GPR176: variants seen among roughly 807,000 people sequenced by gnomAD.
GPR176 encodes G protein-coupled receptor 176.
A neutral mutation model predicts 35.4 loss-of-function variants in GPR176; 26 were observed. The ratio of observed to expected loss-of-function variants is 0.74; its 90% CI spans 0.54 to 1.02. The LOEUF is 1.02. Among genes scored for constraint, GPR176 ranks in the 50% least tolerant of loss-of-function variants. The pLI, the probability that GPR176 is intolerant of heterozygous loss-of-function variation, is 0.00. For missense variants in GPR176, 597 were observed against 665.3 expected, an observed-to-expected ratio of 0.90 and a Z score of 1.13; for synonymous variants, 278 against 271.3, an observed-to-expected ratio of 1.02 and a Z score of -0.24.
chr15:39,903,578 G>A lies in GPR176; in HGVS notation c.172+16277C>T, dbSNP rs1466672146. Among the ~76,000 whole-genome samples the A allele has an allele frequency of 7.0e-5, 10 of 143,130 alleles. No individual in the cohort carries two copies. The East Asian group carries it at 1.8e-3, about 25-fold the overall frequency. The allele number at this position is 143,130 out of a possible 152,430, so 93.9% of individuals were successfully genotyped here. On this transcript the variant is annotated intron_variant, in intron 1 of 2. Coordinates refer to ENST00000561100, the MANE Select transcript of GPR176 (RefSeq NM_007223.3). Reference sequence around the variant, plus strand: ...AATATTTTCAGTGGCTACATCATATGTGAGGTTTTTTTTTTTAAGTGTGGC... The same window carrying A: ...AATATTTTCAGTGGCTACATCATATATGAGGTTTTTTTTTTTAAGTGTGGC...
At chr15:39,824,154 G>A (rs927023178) in intron 1 of GPR176, among the ~76,000 whole-genome samples, 10 of 152,148 alleles carry the variant, frequency 6.6e-5, no homozygotes, top group Non-Finnish European at 1.2e-4. Context: ...TCTGTGTCTC[G>A]CCATGTGACA....
chr15:39,835,158 C>T (rs1901317134), intron 1 of GPR176, among the ~76,000 whole-genome samples: 2 of 152,042 alleles, frequency 1.3e-5, no homozygotes, highest in African/African-American at 4.8e-5. Context: ...GCTGGGATTA[C>T]AGGCATGTGC....
At chr15:39,818,278 T>C (rs1900048304) in intron 1 of GPR176, among the ~76,000 whole-genome samples, 1 of 152,246 alleles carries the variant, frequency 6.6e-6, no homozygotes, top group South Asian at 2.1e-4. Flanking sequence ...TTAGCTACAA[T>C]TAATTTGATT....
At chr15:39,874,574 G>C (rs143110676) in intron 1 of GPR176, among the ~76,000 whole-genome samples, 142 of 152,250 alleles carry the variant, frequency 9.3e-4, no homozygotes, top group African/African-American at 3.3e-3. Context: ...AAACAATCTG[G>C]TGTCAAGTGA....
chr15:39,815,443 C>T (rs1899837791), intron 1 of GPR176: 1 of 152,270 alleles, frequency 6.6e-6, no homozygotes, highest in Admixed American at 6.5e-5. Context: ...AAACTCAGTG[C>T]TCTTCTTCAG....
At position 39,848,597 on chromosome 15, in the gene GPR176, A is replaced by C. The variant is rs374854658; in HGVS notation, c.173-41339T>G. Among the ~76,000 whole-genome samples the C allele has an allele frequency of 1.5e-4, 23 of 152,318 alleles. No individual in the cohort carries two copies. The East Asian group carries it at 1.5e-3, about 10-fold the overall frequency. On this transcript the variant is annotated intron_variant, in intron 1 of 2. Coordinates refer to ENST00000561100, the MANE Select transcript of GPR176 (RefSeq NM_007223.3). ...AGCCCTAATACATTTTTAAAAATTG[A>C]AATCATACAAAGTGTGTTCTCCAAC...
At chr15:39,848,760 C>G (rs553799988) in intron 1 of GPR176, among the ~76,000 whole-genome samples, 2 of 151,382 alleles carry the variant, frequency 1.3e-5, no homozygotes, top group African/African-American at 4.8e-5. Context: ...ATATGTTGAA[C>G]TTAACAAAAA....
chr15:39,838,614 C>T (rs1157116351), intron 1 of GPR176, among the ~76,000 whole-genome samples: 2 of 152,086 alleles, frequency 1.3e-5, no homozygotes, highest in Admixed American at 6.6e-5. Flanking sequence ...CAGAAAAGGC[C>T]TTTGACAAAA....
intron 1 of GPR176, among the ~76,000 whole-genome samples, chr15:39,823,830 T>C (rs1482295257): frequency 6.6e-6 from 1 of 152,194 alleles, no homozygotes; most frequent in East Asian, 1.9e-4. Context: ...TGGTGCCCCC[T>C]AGAGTACTGC....
chr15:39,913,567 A>AGAAAGAAG (rs1212345920), intron 1 of GPR176, among the ~76,000 whole-genome samples: 2 of 151,890 alleles, frequency 1.3e-5, no homozygotes, highest in Non-Finnish European at 2.9e-5. Context: ...GAAAAAAGAA[A>AGAAAGAAG]GAAAGAAGGA....
Position 39,807,136 on chromosome 15 carries a change from T to C in GPR176, c.295A>G (p.Ile99Val). 1.2e-6 allele frequency: 2 copies of C among 1,614,052 alleles called. No homozygotes were observed. The highest frequency in any genetic ancestry group is 1.7e-6 in the Non-Finnish European group (2 of 1,179,980). ...CAGTGAGGACTGGTGCTGAGGATGA[T>C]GTCGAAGGGCACACAGACCAGGCTG... is the stretch of plus-strand genomic sequence containing the variant. ...CASLVCVPFDIILSTSPHCCW... is the reference protein window; with the variant it reads ...CASLVCVPFDVILSTSPHCCW... The change falls in exon 2 of 3, where the codon ATC becomes GTC. Residue 99 changes from isoleucine to valine, a missense_variant. Coordinates refer to ENST00000561100, the MANE Select transcript of GPR176 (RefSeq NM_007223.3).
At chr15:39,877,588 GC>G in intron 1 of GPR176, among the ~76,000 whole-genome samples, 2 of 147,748 alleles carry the variant, frequency 1.4e-5, no homozygotes, top group East Asian at 4.0e-4. Context: ...TTGAGTTGGA[GC>G]CTTGCTCTGT....
chr15:39,885,371 G>A (rs893465596), intron 1 of GPR176, among the ~76,000 whole-genome samples: 1 of 152,190 alleles, frequency 6.6e-6, no homozygotes, highest in Non-Finnish European at 1.5e-5. Flanking sequence ...AAATCAGGGA[G>A]TAAGAAGGAA....
At chr15:39,904,929 A>C (rs1028208324) in intron 1 of GPR176, among the ~76,000 whole-genome samples, 2 of 152,224 alleles carry the variant, frequency 1.3e-5, no homozygotes, top group African/African-American at 2.4e-5. Context: ...ATCACCATCA[A>C]GGAAACAGGC....
chr15:39,801,876 C>A lies in GPR176; in HGVS notation c.804G>T (p.Leu268=), dbSNP rs146834034. ...SQREAELHAT[L]LSMVMVFILC... is the part of the protein sequence containing the mutation. ...AGATGAAGACCATCACCATGGAGAG[C>A]AGGGTGGCGTGCAGCTCGGCCTCCC... The change falls in exon 3 of 3, where the codon CTG becomes CTT. Residue 268 remains leucine (L), a synonymous_variant. Coordinates refer to ENST00000561100, the MANE Select transcript of GPR176 (RefSeq NM_007223.3). 1 of 1,614,056 alleles carries A rather than the reference C, an allele frequency of 6.2e-7. No individual in the cohort carries two copies. The highest frequency in any genetic ancestry group is 1.7e-5 in the Admixed American group (1 of 60,014).
chr15:39,812,467 T>C (rs989750808), intron 1 of GPR176, among the ~76,000 whole-genome samples: 1 of 152,220 alleles, frequency 6.6e-6, no homozygotes, highest in African/African-American at 2.4e-5. Flanking sequence ...TTTTGGACTC[T>C]TGGACTTACA....
chr15:39,918,043 C>CTA (rs1271044472), intron 1 of GPR176, among the ~76,000 whole-genome samples: 3 of 29,644 alleles, frequency 1.0e-4, no homozygotes, highest in Non-Finnish European at 1.9e-4. Flanking sequence ...GAAACTCTGT[C>CTA]TAAAAAAAAA....
At chr15:39,909,971 CTG>C in intron 1 of GPR176, 1 of 607,540 alleles carries the variant, frequency 1.6e-6, no homozygotes, top group Non-Finnish European at 2.1e-6. Flanking sequence ...GCTTTCATAG[CTG>C]TGTCTTCTTT....
At chr15:39,891,362 GT>G (rs1192648259) in intron 1 of GPR176, among the ~76,000 whole-genome samples, 10 of 152,160 alleles carry the variant, frequency 6.6e-5, no homozygotes, top group Admixed American at 6.5e-4. Context: ...TATTTTCGGG[GT>G]TTTTTTGTTG....
Sources: gnomAD v4.1 joint callset for allele counts (sites outside exome capture counted in the v4.1 genomes callset) on GRCh38, gnomAD v4.1.1 for gene constraint, MANE v1.5 for transcripts, NCBI Gene and HGNC (gene_info 2026-07-23, HGNC 2026-07-21) for gene names.